ENTREP1: variants seen among roughly 807,000 people sequenced by gnomAD.
The protein encoded by ENTREP1 is Friedreich ataxia region gene X123.
chr9:69,383,367 C>T, the ENTREP1 span: 3 of 1,254,992 alleles, frequency 2.4e-6, no homozygotes, highest in South Asian at 5.6e-5. Context: ...CTCTGTGTCT[C>T]TATGGATTGT....
At chr9:69,336,341 C>T in the ENTREP1 span, 2 of 881,630 alleles carry the variant, frequency 2.3e-6, no homozygotes, top group Non-Finnish European at 3.6e-6. Context: ...ATATAAACCA[C>T]TGAAGAAATG....
chr9:69,326,860 G>T, the ENTREP1 span, among the ~76,000 whole-genome samples: 2 of 151,732 alleles, frequency 1.3e-5, no homozygotes, highest in South Asian at 4.2e-4. Context: ...CACCACAGCC[G>T]ACCGTAAATA....
At chr9:69,353,845 T>C in the ENTREP1 span, among the ~76,000 whole-genome samples, 1 of 152,232 alleles carries the variant, frequency 6.6e-6, no homozygotes, top group Non-Finnish European at 1.5e-5. Context: ...ATGACTCCAA[T>C]TGGCTTATAT....
the ENTREP1 span, among the ~76,000 whole-genome samples, chr9:69,350,393 G>A: frequency 6.6e-6 from 1 of 152,070 alleles, no homozygotes; most frequent in Admixed American, 6.5e-5. Flanking sequence ...CTAAGTGTGA[G>A]GTTTATGTAT....
At chr9:69,331,225 ATC>A in the ENTREP1 span, among the ~76,000 whole-genome samples, 2 of 152,190 alleles carry the variant, frequency 1.3e-5, no homozygotes, top group Admixed American at 6.5e-5. Context: ...CTTTTTAAAA[ATC>A]TCTGTGTTTA....
chr9:69,354,897 G>C, the ENTREP1 span, among the ~76,000 whole-genome samples: 2 of 152,214 alleles, frequency 1.3e-5, no homozygotes, highest in South Asian at 4.1e-4. Flanking sequence ...TTAAACCATT[G>C]ATCCCCACAC....
chr9:69,355,164 A>G, the ENTREP1 span, among the ~76,000 whole-genome samples: 129,630 of 152,192 alleles, frequency 0.85, 55,339 homozygotes, highest in South Asian at 0.92. Context: ...TTTAACTTAA[A>G]GTTTCTCAAA....
chr9:69,347,389 C>T, the ENTREP1 span, among the ~76,000 whole-genome samples: 1 of 152,220 alleles, frequency 6.6e-6, no homozygotes, highest in Non-Finnish European at 1.5e-5. Flanking sequence ...TCCCTACCAA[C>T]ATGGCTGTGG....
At chr9:69,336,579 A>G in the ENTREP1 span, among the ~76,000 whole-genome samples, 1 of 152,206 alleles carries the variant, frequency 6.6e-6, no homozygotes, top group Non-Finnish European at 1.5e-5. Context: ...TATATACAAT[A>G]GTGGAGGGAA....
chr9:69,344,784 C>T, the ENTREP1 span, among the ~76,000 whole-genome samples: 3 of 152,194 alleles, frequency 2.0e-5, no homozygotes, highest in East Asian at 1.9e-4. Flanking sequence ...AGGCTGACAA[C>T]AAGGGACCTG....
chr9:69,355,370 C>G, the ENTREP1 span, among the ~76,000 whole-genome samples: 1 of 152,130 alleles, frequency 6.6e-6, no homozygotes, highest in African/African-American at 2.4e-5. Context: ...TTTATTGGTT[C>G]TTTACTTGTC....
chr9:69,365,606 G>A, the ENTREP1 span, among the ~76,000 whole-genome samples: 1 of 151,918 alleles, frequency 6.6e-6, no homozygotes, highest in African/African-American at 2.4e-5. Context: ...TCAAACATTA[G>A]AACTTATTCC....
At chr9:69,329,862 A>G in the ENTREP1 span, among the ~76,000 whole-genome samples, 2,855 of 149,330 alleles carry the variant, frequency 0.019, 103 homozygotes, top group African/African-American at 0.067. Flanking sequence ...CCACTGGGGT[A>G]TGGGAGTTAA....
At chr9:69,391,875 T>C in the ENTREP1 span, 2 of 1,424,814 alleles carry the variant, frequency 1.4e-6, no homozygotes, top group African/African-American at 1.4e-5. Context: ...GGCTGGGAGC[T>C]GTGGTCCACC....
chr9:69,386,106 T>G, the ENTREP1 span: 49 of 538,316 alleles, frequency 9.1e-5, no homozygotes, highest in Middle Eastern at 1.0e-3. Flanking sequence ...TCTACGTCCA[T>G]GTTAGGAATA....
chr9:69,376,343 C>G, the ENTREP1 span, among the ~76,000 whole-genome samples: 1 of 152,098 alleles, frequency 6.6e-6, no homozygotes, highest in South Asian at 2.1e-4. Flanking sequence ...AGAGATTGGC[C>G]AGAAAATATG....
At chr9:69,359,113 C>T in the ENTREP1 span, among the ~76,000 whole-genome samples, 3 of 151,924 alleles carry the variant, frequency 2.0e-5, no homozygotes, top group East Asian at 5.8e-4. Context: ...ACCATGTTGG[C>T]CAGGCTGGTC....
the ENTREP1 span, among the ~76,000 whole-genome samples, chr9:69,333,044 AAAGG>A: frequency 1.3e-5 from 2 of 152,224 alleles, no homozygotes; most frequent in Admixed American, 1.3e-4. Context: ...TTGAGAGAGA[AAAGG>A]AAGAGGCAGG....
chr9:69,330,894 C>T, the ENTREP1 span, among the ~76,000 whole-genome samples: 1 of 152,090 alleles, frequency 6.6e-6, no homozygotes, highest in Non-Finnish European at 1.5e-5. Context: ...AAGCACCAGA[C>T]CTGGAATACA....
Sources: gnomAD v4.1 joint callset for allele counts (sites outside exome capture counted in the v4.1 genomes callset) on GRCh38, gnomAD v4.1.1 for gene constraint, MANE v1.5 for transcripts, NCBI Gene and HGNC (gene_info 2026-07-23, HGNC 2026-07-21) for gene names.